Variants in MTRF1 observed in about 807,000 individuals in gnomAD.
The protein encoded by MTRF1 is mitochondrial translation release factor 1, also known as peptide chain release factor 1, mitochondrial.
Under a neutral mutation model 62.9 loss-of-function variants are expected in MTRF1, and 51 were observed. That is an observed-to-expected ratio of 0.81 (90% CI 0.65 to 1.02). The LOEUF is 1.02. MTRF1 is among the 50% of genes least tolerant of loss of function. The pLI, the probability that MTRF1 is intolerant of heterozygous loss-of-function variation, is 0.00. For missense variants in MTRF1, 446 were observed against 530.0 expected (o/e 0.84, Z 1.56); for synonymous variants, 158 against 181.9 (o/e 0.87, Z 1.06).
rs187559120 is a variant in MTRF1 at position 41,236,976 on chromosome 13, G to A, written c.871-2969C>T. 1.7e-4 allele frequency among the ~76,000 whole-genome samples: 26 copies of A among 152,130 alleles called. No homozygotes were observed. The East Asian group carries it at 3.7e-3, about 21-fold the overall frequency. On this transcript the variant is annotated intron_variant, in intron 6 of 9. Coordinates refer to ENST00000379480, the MANE Select transcript of MTRF1 (RefSeq NM_004294.4). ...CTCACGCCTGTAATCTCAGCACTTC[G>A]GGTGGCCAAGGCAGGCAGATCACTT...
At chr13:41,223,568 T>C (rs1203816634) in intron 8 of MTRF1, among the ~76,000 whole-genome samples, 2 of 152,230 alleles carry the variant, frequency 1.3e-5, no homozygotes, top group Admixed American at 6.5e-5. Context: ...GTTTCTTTGA[T>C]ATTTCAAACT....
Position 41,260,730 on chromosome 13 carries a change from T to G in MTRF1, c.178A>C (p.Arg60=). The part of the protein sequence containing the change: ...LHLLSKNWSR[R]YCHQDTKMLW... The stretch of plus-strand genomic sequence containing the variant: ...ATCTTGGTGTCTTGATGGCAATATC[T>G]CCTGGACCAATTCTTACTTAACAGA... The change falls in exon 2 of 10, where the codon AGA becomes CGA. Residue 60 remains arginine (R), a synonymous_variant. Coordinates refer to ENST00000379480, the MANE Select transcript of MTRF1 (RefSeq NM_004294.4). 6.2e-7 allele frequency: 1 copy of G among 1,614,222 alleles called. No individual in the cohort carries two copies. Among genetic ancestry groups the G allele is most frequent in the Non-Finnish European group, 8.5e-7 (1 of 1,180,036 alleles).
In MTRF1 at chr13:41,243,404, CAAAAAAAA is replaced by C. The variant is rs371273057; in HGVS notation, c.698-2979_698-2972del. 1.9e-3 allele frequency among the ~76,000 whole-genome samples: 142 copies of C among 76,522 alleles called. 2 individuals are homozygous for C. Among genetic ancestry groups the C allele is most frequent in the Admixed American group, 8.6e-3 (54 of 6,254 alleles). 50.2% of individuals were successfully genotyped at this position (76,522 alleles called of 152,430 possible). A position where few individuals can be genotyped will look rare whatever the true frequency, so the allele number is the denominator to read the frequency against. On this transcript the variant is annotated intron_variant, in intron 5 of 9. Coordinates refer to ENST00000379480, the MANE Select transcript of MTRF1 (RefSeq NM_004294.4). ...TGGGAGACAGAGTGAGACCCTGTCTCAAAAAAAAAAAAAAAAAAAAAGACTCAATTTCC... is the reference window on the plus strand; with the variant it reads ...TGGGAGACAGAGTGAGACCCTGTCTCAAAAAAAAAAAAAGACTCAATTTCC...
chr13:41,256,100 C>T (rs532685066), intron 2 of MTRF1, among the ~76,000 whole-genome samples: 24 of 152,278 alleles, frequency 1.6e-4, no homozygotes, highest in African/African-American at 5.3e-4. Context: ...TTGCTAGACA[C>T]TCTGCTAGTT....
At chr13:41,250,137 C>T (rs1429516263) in intron 5 of MTRF1, among the ~76,000 whole-genome samples, 1 of 152,064 alleles carries the variant, frequency 6.6e-6, no homozygotes, top group Non-Finnish European at 1.5e-5. Flanking sequence ...AAGTCTCATT[C>T]GAAATACACC....
At chr13:41,252,884 T>C (rs1244557770) in intron 4 of MTRF1, 65 bp downstream of exon 4, 4 of 1,389,166 alleles carry the variant, frequency 2.9e-6, no homozygotes, top group Non-Finnish European at 3.0e-6. Flanking sequence ...AAAGTTAGTG[T>C]TATCAAATAA....
the MTRF1 span, among the ~76,000 whole-genome samples, chr13:41,279,119 G>C: frequency 6.6e-6 from 1 of 152,070 alleles, no homozygotes; most frequent in South Asian, 2.1e-4. Context: ...CTCCTGAGTA[G>C]CTGGGATTAC....
At chr13:41,267,674 G>C (rs2040855995), upstream of MTRF1, among the ~76,000 whole-genome samples, 1 of 152,104 alleles carries the variant, frequency 6.6e-6, no homozygotes, top group African/African-American at 2.4e-5. Flanking sequence ...TTTGAGACCA[G>C]CCTAGGCAAC....
upstream of MTRF1, among the ~76,000 whole-genome samples, chr13:41,265,141 A>C (rs116357093): frequency 4.4e-3 from 671 of 152,314 alleles, 8 homozygotes; most frequent in African/African-American, 0.016. Context: ...AATTAGTCTT[A>C]GTCGGGCGTG....
the MTRF1 span, among the ~76,000 whole-genome samples, chr13:41,273,242 C>T: frequency 6.6e-5 from 10 of 151,768 alleles, no homozygotes; most frequent in South Asian, 4.2e-4. Flanking sequence ...AGGAGAATGG[C>T]ATGAACCCGG....
chr13:41,301,074 G>A, the MTRF1 span, among the ~76,000 whole-genome samples: 3 of 152,196 alleles, frequency 2.0e-5, no homozygotes, highest in Non-Finnish European at 4.4e-5. Flanking sequence ...TGCATATAGT[G>A]TCTAGTACAG....
At chr13:41,266,887 T>A (rs1446508729), upstream of MTRF1, among the ~76,000 whole-genome samples, 1 of 149,294 alleles carries the variant, frequency 6.7e-6, no homozygotes, top group Non-Finnish European at 1.5e-5. Flanking sequence ...CCCAGCTACT[T>A]GGGAGGCTGA....
At chr13:41,270,843 C>T in the MTRF1 span, among the ~76,000 whole-genome samples, 1 of 151,920 alleles carries the variant, frequency 6.6e-6, no homozygotes, top group Non-Finnish European at 1.5e-5. Flanking sequence ...CTGGTTCAAG[C>T]TATTCTGCCT....
the MTRF1 span, among the ~76,000 whole-genome samples, chr13:41,286,088 C>CAAAAAAAAAAAAAAA: frequency 9.1e-6 from 1 of 110,030 alleles, no homozygotes; most frequent in Non-Finnish European, 1.7e-5. Flanking sequence ...ACAACAACAA[C>CAAAAAAAAAAAAAAA]AAAAAAAAAA....
At chr13:41,283,737 C>T in the MTRF1 span, among the ~76,000 whole-genome samples, 1 of 151,132 alleles carries the variant, frequency 6.6e-6, no homozygotes, top group African/African-American at 2.4e-5. Flanking sequence ...CCACAGGCGC[C>T]CGCCACTACG....
At chr13:41,296,881 T>C in the MTRF1 span, among the ~76,000 whole-genome samples, 3 of 152,182 alleles carry the variant, frequency 2.0e-5, no homozygotes, top group East Asian at 1.9e-4. Context: ...TCCTGGTCAA[T>C]TGGAACTTTC....
rs147244837 is a variant in MTRF1, at chr13:41,234,496, A to G, written c.871-489T>C. 4.6e-3 allele frequency among the ~76,000 whole-genome samples: 700 copies of G among 152,270 alleles called. 4 individuals carry two copies. The highest frequency in any genetic ancestry group is 6.8e-3 in the Non-Finnish European group (465 of 68,020). On this transcript the variant is annotated intron_variant, in intron 6 of 9. Transcript: ENST00000379480. ...ACCTGGCCCTGGGATTCCATTTTTA[A>G]GCACTGATTTAGGATGTTATGAGAT...
At chr13:41,219,928 G>A (rs2032868891) in intron 9 of MTRF1, among the ~76,000 whole-genome samples, 1 of 150,474 alleles carries the variant, frequency 6.6e-6, no homozygotes, top group South Asian at 2.1e-4. Flanking sequence ...AACCCAGCAG[G>A]TGGAGGTTGT....
At chr13:41,311,812 A>T in the MTRF1 span, among the ~76,000 whole-genome samples, 7 of 150,054 alleles carry the variant, frequency 4.7e-5, no homozygotes, top group Non-Finnish European at 7.4e-5. Flanking sequence ...GGCTCGCCTC[A>T]CCCCCGCCGC....
Sources: gnomAD v4.1 joint callset for allele counts (sites outside exome capture counted in the v4.1 genomes callset) on GRCh38, gnomAD v4.1.1 for gene constraint, MANE v1.5 for transcripts, NCBI Gene and HGNC (gene_info 2026-07-23, HGNC 2026-07-21) for gene names.